The following TMEM38B variants were observed in gnomAD, a reference collection of about 807,000 sequenced individuals.
TMEM38B encodes transmembrane protein 38B.
TMEM38B carries 24 observed loss-of-function variants against 28.7 expected under a neutral mutation model. The observed-to-expected ratio is 0.84, with a 90% CI of 0.61 to 1.18. The LOEUF (loss-of-function observed/expected upper bound fraction) is 1.18. Among genes scored for constraint, TMEM38B ranks in the 50% most tolerant of loss-of-function variants. The pLI, the probability that TMEM38B is intolerant of heterozygous loss-of-function variation, is 0.00. For synonymous variants in TMEM38B, 131 were observed against 127.7 expected, an observed-to-expected ratio of 1.03 and a Z score of -0.17; for missense variants, 380 against 350.9, an observed-to-expected ratio of 1.08 and a Z score of -0.66.
chr9:105,771,680 G>A (rs1325391439), intron 5 of TMEM38B, among the ~76,000 whole-genome samples: 1 of 151,918 alleles, frequency 6.6e-6, no homozygotes, highest in Non-Finnish European at 1.5e-5. Flanking sequence ...ATATAAAAAA[G>A]TCCTTAGATC....
chr9:105,718,192 T>G (rs969147332), intron 2 of TMEM38B, among the ~76,000 whole-genome samples: 1 of 152,072 alleles, frequency 6.6e-6, no homozygotes, highest in Non-Finnish European at 1.5e-5. Flanking sequence ...ATTTTCTTTT[T>G]CAAAGTTTTC....
chr9:105,701,475 T>C (rs1835457859), intron 1 of TMEM38B: 1 of 152,216 alleles, frequency 6.6e-6, no homozygotes, highest in Admixed American at 6.5e-5. Context: ...TTTTGCAAAT[T>C]AATAGGAAGA....
intron 5 of TMEM38B, among the ~76,000 whole-genome samples, chr9:105,762,401 TC>T (rs1217213907): frequency 3.3e-5 from 3 of 91,032 alleles, no homozygotes; most frequent in African/African-American, 8.7e-5. Flanking sequence ...ATGCTATCCC[TC>T]CCCCCTCCCC....
chr9:105,747,271 T>G (rs1837443520), intron 4 of TMEM38B, among the ~76,000 whole-genome samples: 1 of 152,266 alleles, frequency 6.6e-6, no homozygotes, highest in Non-Finnish European at 1.5e-5. Context: ...ATTGGTCTAT[T>G]CAGAGATTCA....
rs1174006610 is a variant in TMEM38B, at chr9:105,706,584, GT to G, written c.269+832del. Among the ~76,000 whole-genome samples, 3 of 152,292 alleles carry G rather than the reference GT, an allele frequency of 2.0e-5. No homozygotes were observed. In the East Asian group the frequency reaches 5.8e-4, roughly 29 times the overall value. Reference sequence around the variant, plus strand: ...TTGCATAGCTGGTGGCCTTTTAGCTGTGTCAAAAGAAAAACAAGAATTGGCT... The same window carrying G: ...TTGCATAGCTGGTGGCCTTTTAGCTGGTCAAAAGAAAAACAAGAATTGGCT... On this transcript the variant is annotated intron_variant, in intron 2 of 5. Coordinates refer to ENST00000374692, the MANE Select transcript of TMEM38B (RefSeq NM_018112.3).
At chr9:105,754,217 A>G (rs1278273575) in intron 5 of TMEM38B, among the ~76,000 whole-genome samples, 2 of 152,134 alleles carry the variant, frequency 1.3e-5, no homozygotes, top group Non-Finnish European at 2.9e-5. Context: ...TACTGACAAT[A>G]TTAGATCATT....
chr9:105,728,838 A>T (rs557278272), intron 4 of TMEM38B, among the ~76,000 whole-genome samples: 8 of 152,302 alleles, frequency 5.3e-5, no homozygotes, highest in African/African-American at 1.9e-4. Context: ...AGTGATAATG[A>T]ACATTTTTTC....
At chr9:105,770,606 A>G (rs1220379273) in intron 5 of TMEM38B, among the ~76,000 whole-genome samples, 2 of 152,146 alleles carry the variant, frequency 1.3e-5, no homozygotes, top group Non-Finnish European at 2.9e-5. Context: ...CATGTTAATA[A>G]TTAGCGAAGT....
At chr9:105,716,397 T>C in intron 2 of TMEM38B, among the ~76,000 whole-genome samples, 1 of 152,150 alleles carries the variant, frequency 6.6e-6, no homozygotes, top group Non-Finnish European at 1.5e-5. Context: ...TGTGTATATT[T>C]CCAAATGAGT....
chr9:105,700,947 T>G (rs1022537361), intron 1 of TMEM38B: 5 of 152,038 alleles, frequency 3.3e-5, no homozygotes, highest in Non-Finnish European at 7.4e-5. Context: ...AGAGGCCATG[T>G]GCACGGGTTC....
intron 1 of TMEM38B, among the ~76,000 whole-genome samples, chr9:105,704,476 T>C (rs550409268): frequency 6.6e-6 from 1 of 152,268 alleles, no homozygotes; most frequent in East Asian, 1.9e-4. Flanking sequence ...GAATGTTTTA[T>C]TGGCCTTTTT....
chr9:105,767,660 T>C (rs1016472181), intron 5 of TMEM38B, among the ~76,000 whole-genome samples: 1 of 152,198 alleles, frequency 6.6e-6, no homozygotes, highest in Non-Finnish European at 1.5e-5. Flanking sequence ...TTGTTAAATT[T>C]AAATTTATCC....
At chr9:105,759,435 A>C in intron 5 of TMEM38B, 2 of 1,558,924 alleles carry the variant, frequency 1.3e-6, no homozygotes. Flanking sequence ...GATTTCAAGA[A>C]AGATGTGCTA....
chr9:105,760,282 T>C (rs113385874), intron 5 of TMEM38B: 1 of 786,594 alleles, frequency 1.3e-6, no homozygotes, highest in Non-Finnish European at 2.3e-6. Context: ...ATGTGTGCTA[T>C]GCTGTGCTGA....
intron 5 of TMEM38B, among the ~76,000 whole-genome samples, chr9:105,768,281 C>T (rs1459136519): frequency 6.6e-6 from 1 of 151,968 alleles, no homozygotes; most frequent in African/African-American, 2.4e-5. Context: ...TGATAAACCC[C>T]ATTTAGTCAT....
chr9:105,728,763 T>A (rs1178083818), intron 4 of TMEM38B, among the ~76,000 whole-genome samples: 4 of 152,220 alleles, frequency 2.6e-5, no homozygotes, highest in Non-Finnish European at 5.9e-5. Context: ...TTTTTAATGA[T>A]CGCCCTTCTG....
At chr9:105,743,912 G>A (rs1459440384) in intron 4 of TMEM38B, among the ~76,000 whole-genome samples, 1 of 152,166 alleles carries the variant, frequency 6.6e-6, no homozygotes, top group Non-Finnish European at 1.5e-5. Flanking sequence ...ACCCAAATAT[G>A]TTTCAGAAAT....
intron 5 of TMEM38B, among the ~76,000 whole-genome samples, chr9:105,754,164 G>T (rs372942242): frequency 2.0e-5 from 3 of 152,112 alleles, no homozygotes; most frequent in African/African-American, 7.2e-5. Context: ...TCTACAAAGG[G>T]ACCTAGACTT....
Position 105,694,670 on chromosome 9 carries a change from C to A in TMEM38B, c.10C>A (p.Pro4Thr). Residue 4 changes from proline to threonine, a missense_variant, in exon 1 of 6, where the codon CCA becomes ACA. Pro to Thr is a conservative substitution (Grantham distance 38). Coordinates refer to ENST00000374692, the MANE Select transcript of TMEM38B (RefSeq NM_018112.3). MDS[P>T]WDELALAFSR... is the part of the protein sequence containing the mutation. ...GCGGTCGGTGGTCGTTATGGATTCT[C>A]CATGGGACGAGTTGGCTCTGGCCTT... is the stretch of plus-strand genomic sequence containing the variant. The A allele has an allele frequency of 1.2e-6, 2 of 1,613,716 alleles. No individual in the cohort carries two copies. Among genetic ancestry groups the A allele is most frequent in the Non-Finnish European group, 1.7e-6 (2 of 1,179,726 alleles).
Sources: gnomAD v4.1 joint callset for allele counts (sites outside exome capture counted in the v4.1 genomes callset) on GRCh38, gnomAD v4.1.1 for gene constraint, MANE v1.5 for transcripts, NCBI Gene and HGNC (gene_info 2026-07-23, HGNC 2026-07-21) for gene names.